Variants in DLGAP1 observed in about 807,000 individuals in gnomAD.
DLGAP1 encodes disks large-associated protein 1.
A neutral mutation model predicts 90.8 loss-of-function variants in DLGAP1; 11 were observed. The observed-to-expected ratio is 0.12, with a 90% CI of 0.08 to 0.20. DLGAP1 has a LOEUF of 0.20. DLGAP1 is among the 10% of genes least tolerant of loss of function. DLGAP1 has a pLI of 1.00. For synonymous variants in DLGAP1, 558 were observed against 540.7 expected (o/e 1.03, Z -0.44); for missense variants, 1,050 against 1,333.8 (o/e 0.79, Z 3.31).
Position 4,199,331 on chromosome 18 carries a change from C to T in DLGAP1, c.-266-48044G>A, listed in dbSNP as rs116608802. On this transcript the variant is annotated intron_variant, in intron 1 of 12. Transcript: ENST00000315677. ...AGTGATTGCAAGCATATTATATCAA[C>T]GTTTTCATTAATTTTAGTATGCCTT... Among the ~76,000 whole-genome samples, 1,161 of 152,314 alleles carry T rather than the reference C, an allele frequency of 7.6e-3. 12 individuals are homozygous for T. Among genetic ancestry groups the T allele is most frequent in the African/African-American group, 0.023 (954 of 41,562 alleles).
chr18:3,756,606 T>C (rs2063728016), intron 5 of DLGAP1, among the ~76,000 whole-genome samples: 1 of 152,030 alleles, frequency 6.6e-6, no homozygotes, highest in Non-Finnish European at 1.5e-5. Context: ...GAATGAAGCA[T>C]ATAATAGCTA....
chr18:3,942,969 G>GTT (rs200971152), intron 3 of DLGAP1, among the ~76,000 whole-genome samples: 17 of 146,590 alleles, frequency 1.2e-4, no homozygotes, highest in South Asian at 4.3e-4. Context: ...CAACATTTTT[G>GTT]TTTTTTTTTT....
chr18:3,534,744 G>T, intron 9 of DLGAP1, 129 bp from the exon 10 acceptor site: 1 of 887,878 alleles, frequency 1.1e-6, no homozygotes, highest in Non-Finnish European at 1.6e-6. Context: ...AGGCTGGAGT[G>T]CAAGTGGCGT....
intron 1 of DLGAP1, among the ~76,000 whole-genome samples, chr18:4,187,666 A>G (rs952857969): frequency 2.6e-5 from 4 of 152,120 alleles, no homozygotes; most frequent in Admixed American, 2.6e-4. Flanking sequence ...TGAAAATTTG[A>G]CTAAAGAAAG....
intron 8 of DLGAP1, chr18:3,580,413 C>A (rs1249996385): frequency 1.9e-6 from 3 of 1,613,548 alleles, no homozygotes; most frequent in Non-Finnish European, 2.5e-6. Context: ...AGCTCCACAG[C>A]CCAATGTCTC....
At chr18:3,832,851 C>T (rs1398413404) in intron 4 of DLGAP1, among the ~76,000 whole-genome samples, 1 of 152,002 alleles carries the variant, frequency 6.6e-6, no homozygotes, top group Non-Finnish European at 1.5e-5. Context: ...AAACGGGAGG[C>T]AGCTTAGGTG....
intron 7 of DLGAP1, among the ~76,000 whole-genome samples, chr18:3,656,768 T>C (rs2059499303): frequency 6.6e-6 from 1 of 152,060 alleles, no homozygotes; most frequent in Admixed American, 6.6e-5. Context: ...AGTCTCGCTC[T>C]GTCACCCAGG....
At chr18:4,256,462 C>T (rs1446666078) in intron 1 of DLGAP1, among the ~76,000 whole-genome samples, 2 of 152,126 alleles carry the variant, frequency 1.3e-5, no homozygotes, top group African/African-American at 4.8e-5. Flanking sequence ...AGTTCTCCTA[C>T]TTAAACAGAA....
At chr18:3,764,103 T>C (rs2064104305) in intron 5 of DLGAP1, among the ~76,000 whole-genome samples, 1 of 152,216 alleles carries the variant, frequency 6.6e-6, no homozygotes, top group Non-Finnish European at 1.5e-5. Context: ...TTTAAGTGCT[T>C]TACCTACAGT....
At chr18:3,833,997 A>G (rs1418831843) in intron 4 of DLGAP1, among the ~76,000 whole-genome samples, 1 of 152,190 alleles carries the variant, frequency 6.6e-6, no homozygotes, top group Non-Finnish European at 1.5e-5. Flanking sequence ...CAATTTATCC[A>G]ACTCATAAAT....
chr18:3,955,979 A>G (rs1170224838), intron 3 of DLGAP1, among the ~76,000 whole-genome samples: 3 of 152,230 alleles, frequency 2.0e-5, no homozygotes, highest in Non-Finnish European at 4.4e-5. Context: ...GCAGACTAAT[A>G]TATGTATACA....
intron 1 of DLGAP1, among the ~76,000 whole-genome samples, chr18:4,191,791 G>C (rs1282823716): frequency 6.6e-6 from 1 of 152,116 alleles, no homozygotes; most frequent in Non-Finnish European, 1.5e-5. Flanking sequence ...AGGATGCGGT[G>C]CATCCTCTAG....
intron 1 of DLGAP1, among the ~76,000 whole-genome samples, chr18:4,257,525 T>TTA (rs2078913405): frequency 6.6e-6 from 1 of 152,256 alleles, no homozygotes; most frequent in Non-Finnish European, 1.5e-5. Context: ...AAGTTATACA[T>TTA]TATATCATTT....
intron 7 of DLGAP1, among the ~76,000 whole-genome samples, chr18:3,600,889 T>TATAG (rs1568279044): frequency 4.8e-5 from 5 of 105,236 alleles, no homozygotes; most frequent in Middle Eastern, 4.8e-3. Flanking sequence ...TAGATAGATA[T>TATAG]ATAGATATAT....
At chr18:4,427,944 T>C (rs1182625346) in intron 1 of DLGAP1, among the ~76,000 whole-genome samples, 2 of 152,214 alleles carry the variant, frequency 1.3e-5, no homozygotes, top group Non-Finnish European at 2.9e-5. Flanking sequence ...TGGTCTTTAC[T>C]GTCAAGCCTG....
At chr18:3,642,965 C>T (rs999757689) in intron 7 of DLGAP1, among the ~76,000 whole-genome samples, 2 of 152,184 alleles carry the variant, frequency 1.3e-5, no homozygotes, top group Non-Finnish European at 2.9e-5. Context: ...AGATATGCCT[C>T]CCCACATATG....
chr18:4,357,984 T>C lies in DLGAP1; in HGVS notation c.-267+97022A>G, dbSNP rs1002149040. ...GATTATAAATATTTACATCTGTGCT[T>C]GCCCAAGGCTGGAGCTTATAACTCA... On this transcript the variant is annotated intron_variant, in intron 1 of 12. Coordinates refer to ENST00000315677, the MANE Select transcript of DLGAP1 (RefSeq NM_004746.4). Among the ~76,000 whole-genome samples the C allele has an allele frequency of 6.6e-5, 10 of 152,350 alleles. 1 individual carries two copies. Among genetic ancestry groups the C allele is most frequent in the East Asian group, 5.8e-4 (3 of 5,182 alleles).
At chr18:4,029,982 C>G (rs2074767662) in intron 2 of DLGAP1, among the ~76,000 whole-genome samples, 1 of 152,158 alleles carries the variant, frequency 6.6e-6, no homozygotes, top group South Asian at 2.1e-4. Context: ...AGAATGTAAA[C>G]TCCATTAAGA....
intron 7 of DLGAP1, chr18:3,606,838 T>G (rs1197646622): frequency 6.6e-6 from 1 of 152,188 alleles, no homozygotes; most frequent in Non-Finnish European, 1.5e-5. Flanking sequence ...ATGACTAGAT[T>G]ACAATTTTTT....
Sources: gnomAD v4.1 joint callset for allele counts (sites outside exome capture counted in the v4.1 genomes callset) on GRCh38, gnomAD v4.1.1 for gene constraint, MANE v1.5 for transcripts, NCBI Gene and HGNC (gene_info 2026-07-23, HGNC 2026-07-21) for gene names.